HDAC4: variants seen among roughly 807,000 people sequenced by gnomAD.
HDAC4 encodes the protein histone deacetylase 4, also known as histone deacetylase A.
HDAC4 carries 16 observed loss-of-function variants against 135.1 expected under a neutral mutation model. The ratio of observed to expected loss-of-function variants is 0.12; its 90% confidence interval spans 0.08 to 0.18. The LOEUF (loss-of-function observed/expected upper bound fraction) is 0.18, where lower values mean the gene tolerates loss of function less well. Ranked by LOEUF, HDAC4 falls within the 10% of genes least tolerant of loss-of-function variation. The pLI, the probability that HDAC4 is intolerant of heterozygous loss-of-function variation, is 1.00. For missense variants in HDAC4, 1,143 were observed against 1,511.8 expected (o/e 0.76, Z 4.05); for synonymous variants, 685 against 653.4 (o/e 1.05, Z -0.74).
intron 3 of HDAC4, among the ~76,000 whole-genome samples, chr2:239,221,890 C>A (rs989276708): frequency 2.0e-5 from 3 of 152,188 alleles, no homozygotes; most frequent in Non-Finnish European, 1.5e-5. Context: ...ATAAAACTTT[C>A]CTTAACAGGT....
chr2:239,357,098 CA>C (rs1467711425), intron 1 of HDAC4, among the ~76,000 whole-genome samples: 1 of 152,132 alleles, frequency 6.6e-6, no homozygotes, highest in African/African-American at 2.4e-5. Flanking sequence ...TAAAAACACA[CA>C]CAGAACATTT....
chr2:239,116,044 G>A (rs2039105794), intron 12 of HDAC4, among the ~76,000 whole-genome samples: 1 of 152,108 alleles, frequency 6.6e-6, no homozygotes, highest in South Asian at 2.1e-4. Flanking sequence ...CTCTTTTCCT[G>A]TTGGATCTCA....
At chr2:239,350,650 C>T (rs1242523917) in intron 2 of HDAC4, among the ~76,000 whole-genome samples, 2 of 152,062 alleles carry the variant, frequency 1.3e-5, no homozygotes, top group African/African-American at 4.8e-5. Context: ...ACTACAGGCA[C>T]ACGCCACCAC....
chr2:239,319,797 C>T (rs149442663), intron 2 of HDAC4, among the ~76,000 whole-genome samples: 6 of 152,114 alleles, frequency 3.9e-5, no homozygotes, highest in Admixed American at 6.5e-5. Context: ...AAAGAACCCA[C>T]GAAATAGAAA....
intron 12 of HDAC4, among the ~76,000 whole-genome samples, chr2:239,123,482 G>A (rs1035412095): frequency 6.6e-6 from 1 of 152,250 alleles, no homozygotes; most frequent in Non-Finnish European, 1.5e-5. Flanking sequence ...CTGGTCTGAC[G>A]TGGCTGCCAC....
chr2:239,359,207 G>A (rs552505804), intron 1 of HDAC4, among the ~76,000 whole-genome samples: 6 of 152,236 alleles, frequency 3.9e-5, no homozygotes, highest in South Asian at 2.1e-4. Flanking sequence ...GACAGCCCAC[G>A]GCATCTAGCT....
chr2:239,339,535 G>C (rs1692164019), intron 2 of HDAC4, among the ~76,000 whole-genome samples: 1 of 152,196 alleles, frequency 6.6e-6, no homozygotes, highest in Non-Finnish European at 1.5e-5. Context: ...TCTCTCGGGT[G>C]ATGTGAGCAA....
chr2:239,154,690 G>A (rs1266657616), intron 7 of HDAC4: 1 of 152,140 alleles, frequency 6.6e-6, no homozygotes, highest in African/African-American at 2.4e-5. Context: ...CCTGGAGGGC[G>A]ATTTGTAAGA....
intron 2 of HDAC4, among the ~76,000 whole-genome samples, chr2:239,290,220 C>T (rs1174470780): frequency 6.6e-6 from 1 of 152,016 alleles, no homozygotes; most frequent in East Asian, 1.9e-4. Flanking sequence ...TAACATTTTC[C>T]ATGTTATCAG....
chr2:239,264,803 C>A (rs1481279972), intron 2 of HDAC4, among the ~76,000 whole-genome samples: 1 of 152,324 alleles, frequency 6.6e-6, no homozygotes, highest in East Asian at 1.9e-4. Flanking sequence ...AGGGGGGACA[C>A]CTGGCCCACT....
chr2:239,265,196 C>T (rs1355863481), intron 2 of HDAC4, among the ~76,000 whole-genome samples: 1 of 152,200 alleles, frequency 6.6e-6, no homozygotes, highest in East Asian at 1.9e-4. Context: ...GCAGGGCTCC[C>T]ACATGTGTGC....
chr2:239,183,153 T>G (rs2153021892), intron 4 of HDAC4, among the ~76,000 whole-genome samples: 1 of 152,328 alleles, frequency 6.6e-6, no homozygotes. Flanking sequence ...AAACCAATCA[T>G]AGCTGATCCT....
intron 1 of HDAC4, among the ~76,000 whole-genome samples, chr2:239,374,497 G>C (rs962213687): frequency 2.3e-5 from 3 of 127,812 alleles, no homozygotes; most frequent in Non-Finnish European, 4.7e-5. Context: ...TCCGCCTCCC[G>C]GGTTCACGCC....
intron 1 of HDAC4, among the ~76,000 whole-genome samples, chr2:239,384,354 C>T (rs1427868852): frequency 6.6e-6 from 1 of 151,420 alleles, no homozygotes; most frequent in Non-Finnish European, 1.5e-5. Context: ...TGGCTTACAC[C>T]TGTAATCCCA....
At chr2:239,334,874 A>C (rs2125835790) in intron 2 of HDAC4, among the ~76,000 whole-genome samples, 1 of 152,054 alleles carries the variant, frequency 6.6e-6, no homozygotes, top group South Asian at 2.1e-4. Context: ...AATACAAAAA[A>C]ATTAGCTGGG....
chr2:239,129,673 G>T (rs533186281), intron 11 of HDAC4, among the ~76,000 whole-genome samples: 4 of 152,308 alleles, frequency 2.6e-5, no homozygotes, highest in Admixed American at 2.6e-4. Context: ...GCCGGCTCCT[G>T]CTCCTCCTGG....
In HDAC4 at chr2:239,119,016, C is replaced by T. The variant is rs190259646; in HGVS notation, c.1534-3706G>A. ...GGGGTGCCAGGTGCAGCAGGGGCGC[C>T]GGGTGAAGCAGCGCTGTTTCACAGG... On this transcript the variant is annotated intron_variant, in intron 12 of 26. Coordinates refer to ENST00000543185, the MANE Select transcript of HDAC4 (RefSeq NM_001378414.1). Among the ~76,000 whole-genome samples, 135 of 152,252 alleles carry T rather than the reference C, an allele frequency of 8.9e-4. 1 individual carries two copies. The Middle Eastern group carries it at 0.02, about 23-fold the overall frequency.
In HDAC4 at chr2:239,237,603, T is replaced by A. The variant is rs150534191; in HGVS notation, c.23-939A>T. On this transcript the variant is annotated intron_variant, in intron 2 of 26. Coordinates refer to ENST00000543185, the MANE Select transcript of HDAC4 (RefSeq NM_001378414.1). ...GCAAAAAAAAAAAAACCCATTTTTT[T>A]ATCCAAAATAGATAATTCCTAGCAT... Among the ~76,000 whole-genome samples, 153 of 152,268 alleles carry A rather than the reference T, an allele frequency of 1.0e-3. 1 individual carries two copies. The East Asian group carries it at 0.025, about 25-fold the overall frequency.
chr2:239,221,866 C>A (rs184542108), intron 3 of HDAC4, among the ~76,000 whole-genome samples: 1 of 152,152 alleles, frequency 6.6e-6, no homozygotes, highest in Admixed American at 6.6e-5. Flanking sequence ...GAAGCTATCA[C>A]GAACTTTGAG....
Sources: gnomAD v4.1 joint callset for allele counts (sites outside exome capture counted in the v4.1 genomes callset) on GRCh38, gnomAD v4.1.1 for gene constraint, MANE v1.5 for transcripts, NCBI Gene and HGNC (gene_info 2026-07-23, HGNC 2026-07-21) for gene names.